THEM6: variants seen among roughly 807,000 people sequenced by gnomAD.
The protein encoded by THEM6 is protein THEM6.
A neutral mutation model predicts 13.7 loss-of-function variants in THEM6; 10 were observed. That is an observed-to-expected ratio of 0.73 (90% CI 0.45 to 1.24). The LOEUF (loss-of-function observed/expected upper bound fraction) is 1.24. THEM6 is among the 50% of genes most tolerant of loss of function. The pLI, the probability that THEM6 is intolerant of heterozygous loss-of-function variation, is 0.00. For missense variants in THEM6, 317 were observed against 312.6 expected, an observed-to-expected ratio of 1.01 and a Z score of -0.11; for synonymous variants, 161 against 156.0, an observed-to-expected ratio of 1.03 and a Z score of -0.24.
Position 142,727,316 on chromosome 8 carries a change from T to C in THEM6, c.-31T>C. Reference sequence around the variant, plus strand: ...GGACACCGGCACCGGCGCCACGGACTCCGCAGGACCCCGCGCCCGCCGCCG... The same window carrying C: ...GGACACCGGCACCGGCGCCACGGACCCCGCAGGACCCCGCGCCCGCCGCCG... On this transcript the variant is annotated 5_prime_UTR_variant, in exon 1 of 2. Transcript: ENST00000336138. 2 of 1,459,036 alleles carry C rather than the reference T, an allele frequency of 1.4e-6. No homozygotes were observed. The highest frequency in any genetic ancestry group is 2.7e-5 in the South Asian group (2 of 74,466). The allele number at this position is 1,459,036 out of a possible 1,614,324, so 90.4% of individuals were successfully genotyped here.
chr8:142,735,723 A>T lies in THEM6; in HGVS notation c.*284A>T. 1 of 423,388 alleles carries T rather than the reference A, an allele frequency of 2.4e-6. No individual in the cohort carries two copies. The highest frequency in any genetic ancestry group is 4.3e-5 in the East Asian group (1 of 23,262). The allele number at this position is 423,388 out of a possible 1,614,324, so 26.2% of individuals were successfully genotyped here. ...GCCTGGCCCTACGATGAGGCCACTC[A>T]TGTGGGCCTAGGTAGGGGAGGATGG... On this transcript the variant is annotated 3_prime_UTR_variant, in exon 2 of 2. Coordinates refer to ENST00000336138, the MANE Select transcript of THEM6 (RefSeq NM_016647.3).
chr8:142,727,443 C>T lies in THEM6; in HGVS notation c.97C>T (p.Arg33Cys), dbSNP rs1554642436. ...GGTGCGCCTTCCGTGCGCCGTGCTG[C>T]GCGCGCGCCTGCTGCAGCCGCGCGT... ...YLVRLPCAVLRARLLQPRVRD... is the reference protein window; with the variant it reads ...YLVRLPCAVLCARLLQPRVRD... The change falls in exon 1 of 2, where the codon CGC becomes TGC. Residue 33 changes from arginine to cysteine, a missense_variant. Physicochemically the swap from Arg to Cys is radical, Grantham distance 180. Transcript: ENST00000336138. 3 of 1,554,108 alleles carry T rather than the reference C, an allele frequency of 1.9e-6. No individual in the cohort carries two copies. The highest frequency in any genetic ancestry group is 1.8e-5 in the Admixed American group (1 of 54,826).
chr8:142,727,701 G>A lies in THEM6; in HGVS notation c.355G>A (p.Val119Met). The A allele has an allele frequency of 7.0e-7, 1 of 1,433,600 alleles. No individual in the cohort carries two copies. Among genetic ancestry groups the A allele is most frequent in the Non-Finnish European group, 9.1e-7 (1 of 1,104,324 alleles). 88.8% of individuals were successfully genotyped at this position (1,433,600 alleles called of 1,614,324 possible). A position where few individuals can be genotyped will look rare whatever the true frequency, so the allele number is the denominator to read the frequency against. ...GCTGCGCCTGCTGGAGCCCTTCGAG[G>A]TGCGCACCCGCCTGCTGGGCTGGGA... ...RSLRLLEPFE[V>M]RTRLLGWDDR... is the part of the protein sequence containing the mutation. The change falls in exon 1 of 2, where the codon GTG (valine) becomes ATG (methionine). Residue 119 changes from valine to methionine, a missense_variant. Transcript: ENST00000336138.
In THEM6 at chr8:142,727,658, C is replaced by T; in HGVS notation, c.312C>T (p.Cys104=). Residue 104 remains cysteine, a synonymous_variant, in exon 1 of 2, where the codon TGC becomes TGT. Coordinates refer to ENST00000336138, the MANE Select transcript of THEM6 (RefSeq NM_016647.3). ...LRAHTVLAAS[C]ARHRRSLRLL... is the part of the protein sequence containing the mutation. ...CGCACACGGTGCTGGCGGCCTCGTG[C>T]GCGCGCCACCGCCGCTCGCTGCGCC... is the stretch of plus-strand genomic sequence containing the variant. 2 of 1,437,932 alleles carry T rather than the reference C, an allele frequency of 1.4e-6. No homozygotes were observed. The highest frequency in any genetic ancestry group is 1.8e-6 in the Non-Finnish European group (2 of 1,107,134). 89.1% of individuals were successfully genotyped at this position (1,437,932 alleles called of 1,614,324 possible). A position where few individuals can be genotyped will look rare whatever the true frequency, so the allele number is the denominator to read the frequency against.
chr8:142,732,668 C>T (rs925779442), intron 1 of THEM6, among the ~76,000 whole-genome samples: 1 of 151,918 alleles, frequency 6.6e-6, no homozygotes, highest in African/African-American at 2.4e-5. Context: ...GAGTTGCAGC[C>T]CTGGTATGTG....
At chr8:142,728,619 G>A (rs1554642670) in intron 1 of THEM6, among the ~76,000 whole-genome samples, 1 of 152,222 alleles carries the variant, frequency 6.6e-6, no homozygotes, top group East Asian at 1.9e-4. Flanking sequence ...GAGCAGACGA[G>A]GGTCAACGTC....
rs1554642572 is a variant in THEM6, at chr8:142,727,860, G to A, written c.513+1G>A. 4 of 1,402,036 alleles carry A rather than the reference G, an allele frequency of 2.9e-6. No homozygotes were observed. The highest frequency in any genetic ancestry group is 3.7e-6 in the Non-Finnish European group (4 of 1,087,424). 86.8% of individuals were successfully genotyped at this position (1,402,036 alleles called of 1,614,324 possible). ...CGTGCAGCACCTGTGCCAGCGCAGG[G>A]TGAGCGGCCCCCGCCCCTGGCCCCG... On this transcript the variant is annotated splice_donor_variant, in intron 1 of 1. Transcript: ENST00000336138. LOFTEE classifies it high-confidence loss of function.
chr8:142,727,676 G>T lies in THEM6; in HGVS notation c.330G>T (p.Ser110=). Reference sequence around the variant, plus strand: ...CCTCGTGCGCGCGCCACCGCCGCTCGCTGCGCCTGCTGGAGCCCTTCGAGG... The same window carrying T: ...CCTCGTGCGCGCGCCACCGCCGCTCTCTGCGCCTGCTGGAGCCCTTCGAGG... ...LAASCARHRR[S]LRLLEPFEVR... is the part of the protein sequence containing the mutation. The change falls in exon 1 of 2, where the codon TCG becomes TCT. Residue 110 remains serine, a synonymous_variant. Coordinates refer to ENST00000336138, the MANE Select transcript of THEM6 (RefSeq NM_016647.3). 7.0e-7 allele frequency: 1 copy of T among 1,431,454 alleles called. No homozygotes were observed. The highest frequency in any genetic ancestry group is 9.1e-7 in the Non-Finnish European group (1 of 1,104,574). 88.7% of individuals were successfully genotyped at this position (1,431,454 alleles called of 1,614,324 possible).
At chr8:142,734,555 G>C (rs1235033336) in intron 1 of THEM6, 22 of 152,790 alleles carry the variant, frequency 1.4e-4, no homozygotes, top group Admixed American at 1.4e-3. Context: ...CTGCGGTGAT[G>C]TGGCCAAAGA....
At chr8:142,735,252 G>A (rs1449908836) in intron 1 of THEM6, 74 bp from the exon 2 acceptor site, 56 of 1,124,642 alleles carry the variant, frequency 5.0e-5, no homozygotes, top group Non-Finnish European at 7.2e-5. Flanking sequence ...CACGGGCTGG[G>A]GAGCAGTGTG....
At position 142,728,005 on chromosome 8, in the gene THEM6, C is replaced by A. The variant is rs1464811227; in HGVS notation, c.513+146C>A. The A allele has an allele frequency of 3.5e-5, 32 of 911,480 alleles. 1 individual carries two copies. The highest frequency in any genetic ancestry group is 4.8e-5 in the Non-Finnish European group (32 of 665,182). 56.5% of individuals were successfully genotyped at this position (911,480 alleles called of 1,614,324 possible). ...CTGGAGTCCTGCCTCTTACCGCTCC[C>A]GCCCCTCCCTCTCTACCGGGGGCAT... On this transcript the variant is annotated intron_variant, in intron 1 of 1. Coordinates refer to ENST00000336138, the MANE Select transcript of THEM6 (RefSeq NM_016647.3).
intron 1 of THEM6, among the ~76,000 whole-genome samples, chr8:142,729,303 A>C (rs7000507): frequency 0.066 from 10,048 of 152,234 alleles, 719 homozygotes; most frequent in African/African-American, 0.17. Flanking sequence ...TTTCCTCAGC[A>C]AGGCCATTTT....
At position 142,727,516 on chromosome 8, in the gene THEM6, C is replaced by G. The variant is rs1563820547; in HGVS notation, c.170C>G (p.Ser57Trp). The G allele has an allele frequency of 1.3e-6, 2 of 1,579,266 alleles. No individual in the cohort carries two copies. Among genetic ancestry groups the G allele is most frequent in the East Asian group, 2.3e-5 (1 of 42,850 alleles). Residue 57 changes from serine (S) to tryptophan (W), a missense_variant, in exon 1 of 2, where the codon TCG becomes TGG. Transcript: ENST00000336138. ...EQRFPGRVLPSDLDLLLHMNN... is the reference protein window; with the variant it reads ...EQRFPGRVLPWDLDLLLHMNN... ...CGCTTCCCGGGCCGCGTGCTGCCCT[C>G]GGACTTGGACCTGCTGCTGCACATG...
rs1333136604 is a variant in THEM6 at position 142,727,311 on chromosome 8, C to CGGACTCCGCA, written c.-31_-22dup. 3 of 1,448,504 alleles carry CGGACTCCGCA rather than the reference C, an allele frequency of 2.1e-6. No homozygotes were observed. Among genetic ancestry groups the CGGACTCCGCA allele is most frequent in the Non-Finnish European group, 1.8e-6 (2 of 1,111,304 alleles). The allele number at this position is 1,448,504 out of a possible 1,614,324, so 89.7% of individuals were successfully genotyped here. A position where few individuals can be genotyped will look rare whatever the true frequency, so the allele number is the denominator to read the frequency against. ...GCCGCGGACACCGGCACCGGCGCCA[C>CGGACTCCGCA]GGACTCCGCAGGACCCCGCGCCCGC... is the stretch of plus-strand genomic sequence containing the variant. On this transcript the variant is annotated 5_prime_UTR_variant, in exon 1 of 2. Coordinates refer to ENST00000336138, the MANE Select transcript of THEM6 (RefSeq NM_016647.3).
At chr8:142,728,937 CTTTTT>C (rs58263738) in intron 1 of THEM6, among the ~76,000 whole-genome samples, 3 of 107,296 alleles carry the variant, frequency 2.8e-5, no homozygotes, top group South Asian at 3.3e-4. Flanking sequence ...TTACTATTTT[CTTTTT>C]TTTTTTTTTT....
rs994335906 is a variant in THEM6, at chr8:142,727,982, G to T, written c.513+123G>T. ...GCCTGCACCTCTTTCGGATACTGCT[G>T]GAGTCCTGCCTCTTACCGCTCCCGC... is the stretch of plus-strand genomic sequence containing the variant. On this transcript the variant is annotated intron_variant, in intron 1 of 1. Transcript: ENST00000336138. The T allele has an allele frequency of 3.5e-6, 4 of 1,154,410 alleles. No individual in the cohort carries two copies. The African/African-American group carries it at 6.5e-5, about 19-fold the overall frequency. The allele number at this position is 1,154,410 out of a possible 1,614,324, so 71.5% of individuals were successfully genotyped here.
chr8:142,732,186 A>ATATATATG, intron 1 of THEM6, among the ~76,000 whole-genome samples: 1 of 97,242 alleles, frequency 1.0e-5, no homozygotes, highest in Non-Finnish European at 2.1e-5. Context: ...ATATATATAT[A>ATATATATG]TATATATATA....
rs779850756 is a variant in THEM6 at position 142,736,757 on chromosome 8, C to G, written c.*1318C>G. 1 of 152,480 alleles carries G rather than the reference C, an allele frequency of 6.6e-6. No individual in the cohort carries two copies. The highest frequency in any genetic ancestry group is 1.5e-5 in the Non-Finnish European group (1 of 68,230). The allele number at this position is 152,480 out of a possible 1,614,324, so 9.4% of individuals were successfully genotyped here. A position where few individuals can be genotyped will look rare whatever the true frequency, so the allele number is the denominator to read the frequency against. ...GTGCCTGCACATCCAGAACTGCCTC[C>G]TTGCCGCTGCCTCCAGGAAGCCCAC... On this transcript the variant is annotated 3_prime_UTR_variant, in exon 2 of 2. Coordinates refer to ENST00000336138, the MANE Select transcript of THEM6 (RefSeq NM_016647.3).
At position 142,727,375 on chromosome 8, in the gene THEM6, C is replaced by A; in HGVS notation, c.29C>A (p.Ala10Asp). MLGLLVALL[A>D]LGLAVFALLD... Reference sequence around the variant, plus strand: ...CTGGGGCTGCTGGTGGCGTTGCTGGCCCTGGGGCTCGCTGTCTTTGCGCTG... The same window carrying A: ...CTGGGGCTGCTGGTGGCGTTGCTGGACCTGGGGCTCGCTGTCTTTGCGCTG... Residue 10 changes from alanine (A) to aspartate (D), a missense_variant, in exon 1 of 2, where the codon GCC (alanine) becomes GAC (aspartate). By Grantham distance (126) the Ala-to-Asp change is moderately radical. Coordinates refer to ENST00000336138, the MANE Select transcript of THEM6 (RefSeq NM_016647.3). 6 of 1,522,890 alleles carry A rather than the reference C, an allele frequency of 3.9e-6. No individual in the cohort carries two copies. The highest frequency in any genetic ancestry group is 1.9e-4 in the Middle Eastern group (1 of 5,138). The allele number at this position is 1,522,890 out of a possible 1,614,324, so 94.3% of individuals were successfully genotyped here.
Sources: gnomAD v4.1 joint callset for allele counts (sites outside exome capture counted in the v4.1 genomes callset) on GRCh38, gnomAD v4.1.1 for gene constraint, MANE v1.5 for transcripts, NCBI Gene and HGNC (gene_info 2026-07-23, HGNC 2026-07-21) for gene names.